TEX15: variants seen among roughly 807,000 people sequenced by gnomAD.
TEX15 encodes testis-expressed protein 15.
In TEX15, 171 loss-of-function variants were observed where a neutral mutation model predicts 237.3. That is an observed-to-expected ratio of 0.72 (90% CI 0.64 to 0.82). The LOEUF is 0.82. TEX15 is among the 40% of genes least tolerant of loss of function. The probability of loss-of-function intolerance (pLI) is 0.00; values close to 1 mark genes in which losing one functional copy is unlikely to be tolerated. For missense variants in TEX15, 3,750 were observed against 3,646.5 expected (o/e 1.03, Z -0.73); for synonymous variants, 1,338 against 1,269.8 (o/e 1.05, Z -1.14).
Position 30,843,115 on chromosome 8 carries a change from G to C in TEX15, c.7052C>G (p.Thr2351Arg). ...AAATTTAGAATTTTCTATGCTAATT[G>C]TTGCTTCGTTTATTGGATGATCTGA... The part of the protein sequence containing the change: ...RKSDHPINEA[T>R]ISIENSKFNS... The change falls in exon 8 of 11, where the codon ACA (threonine) becomes AGA (arginine). Residue 2351 changes from threonine (T) to arginine (R), a missense_variant. Coordinates refer to ENST00000643185, the MANE Select transcript of TEX15 (RefSeq NM_001350162.2). 1 of 1,613,118 alleles carries C rather than the reference G, an allele frequency of 6.2e-7. No individual in the cohort carries two copies. The highest frequency in any genetic ancestry group is 8.5e-7 in the Non-Finnish European group (1 of 1,179,526).
At chr8:30,875,378 A>C (rs184445008) in intron 3 of TEX15, among the ~76,000 whole-genome samples, 2 of 152,344 alleles carry the variant, frequency 1.3e-5, no homozygotes, top group Admixed American at 1.3e-4. Context: ...TTTTCAACTT[A>C]AGATGTTGCA....
intron 3 of TEX15, among the ~76,000 whole-genome samples, chr8:30,876,045 C>G (rs1418685621): frequency 6.6e-6 from 1 of 152,072 alleles, no homozygotes. Flanking sequence ...AATTCCTGGG[C>G]TCAAGCGATC....
chr8:30,853,098 G>A (rs537046615), intron 7 of TEX15, among the ~76,000 whole-genome samples: 1 of 152,270 alleles, frequency 6.6e-6, no homozygotes, highest in East Asian at 1.9e-4. Context: ...TAATCACCCT[G>A]AAAGGCATCA....
chr8:30,846,505 T>C lies in TEX15; in HGVS notation c.3662A>G (p.Lys1221Arg). 6.2e-7 allele frequency: 1 copy of C among 1,613,656 alleles called. No individual in the cohort carries two copies. The highest frequency in any genetic ancestry group is 8.5e-7 in the Non-Finnish European group (1 of 1,179,750). Residue 1221 changes from lysine (K) to arginine (R), a missense_variant, in exon 8 of 11, where the codon AAA (lysine) becomes AGA (arginine). Lys to Arg is a conservative substitution (Grantham distance 26). Coordinates refer to ENST00000643185, the MANE Select transcript of TEX15 (RefSeq NM_001350162.2). ...GENADYPCED[K>R]VDNIRQESGP... is the part of the protein sequence containing the mutation. ...TGATTCTTGCCTTATATTATCAACT[T>C]TATCTTCACATGGATAATCTGCATT...
At chr8:30,872,308 C>T (rs1808306993) in intron 4 of TEX15, among the ~76,000 whole-genome samples, 1 of 152,076 alleles carries the variant, frequency 6.6e-6, no homozygotes, top group African/African-American at 2.4e-5. Flanking sequence ...ATTCCTATTG[C>T]CTAGTGATAG....
intron 2 of TEX15, among the ~76,000 whole-genome samples, chr8:30,889,901 A>G (rs1400346314): frequency 6.8e-6 from 1 of 147,216 alleles, no homozygotes; most frequent in Middle Eastern, 3.3e-3. Context: ...ATAGTCCTAC[A>G]ATGATTATAT....
At position 30,837,188 on chromosome 8, in the gene TEX15, C is replaced by T. The variant is rs2128766137; in HGVS notation, c.9096G>A (p.Glu3032=). The part of the protein sequence containing the change: ...SACNPTYNSS[E]HLFGTSYPYS... Reference sequence around the variant, plus strand: ...ATGGATATGAAGTTCCAAATAAATGCTCAGAAGAATTATATGTTGGGTTAC... The same window carrying T: ...ATGGATATGAAGTTCCAAATAAATGTTCAGAAGAATTATATGTTGGGTTAC... Residue 3032 remains glutamate (E), a synonymous_variant, in exon 10 of 11, where the codon GAG becomes GAA. Transcript: ENST00000643185. The T allele has an allele frequency of 6.2e-7, 1 of 1,614,060 alleles. No individual in the cohort carries two copies. The highest frequency in any genetic ancestry group is 1.7e-5 in the Admixed American group (1 of 60,006).
chr8:30,839,458 C>T (rs1807393560), intron 9 of TEX15, among the ~76,000 whole-genome samples: 1 of 152,030 alleles, frequency 6.6e-6, no homozygotes, highest in Non-Finnish European at 1.5e-5. Context: ...TATCACTTGT[C>T]CTATTTTTAA....
rs761734646 is a variant in TEX15 at position 30,910,173 on chromosome 8, TA to T, written c.-86+2705del. Reference sequence around the variant, plus strand: ...TACAGTATATCATCCTTCGGTACAATAAAAAAAAAAAAACTTTAAAGTGCTC... The same window carrying T: ...TACAGTATATCATCCTTCGGTACAATAAAAAAAAAAAACTTTAAAGTGCTC... On this transcript the variant is annotated intron_variant, in intron 1 of 10. Coordinates refer to ENST00000643185, the MANE Select transcript of TEX15 (RefSeq NM_001350162.2). 1.3e-3 allele frequency among the ~76,000 whole-genome samples: 186 copies of T among 139,626 alleles called. 1 individual carries two copies. The highest frequency in any genetic ancestry group is 7.4e-3 in the Middle Eastern group (2 of 272). 91.6% of individuals were successfully genotyped at this position (139,626 alleles called of 152,430 possible). A position where few individuals can be genotyped will look rare whatever the true frequency, so the allele number is the denominator to read the frequency against.
chr8:30,874,494 T>G (rs138163903), intron 4 of TEX15, among the ~76,000 whole-genome samples: 1 of 152,270 alleles, frequency 6.6e-6, no homozygotes, highest in African/African-American at 2.4e-5. Flanking sequence ...CAACATAGAA[T>G]AGTTCTAGTG....
rs760186353 is a variant in TEX15, at chr8:30,837,288, TG to T, written c.8995del (p.Gln2999AsnfsTer10). ...GACTTTTGAATTTTTGTCATTCTGT[TG>T]TTCAGAAAGAGAGTACTCTGCTCCT... is the stretch of plus-strand genomic sequence containing the variant. ...NQGAEYSLSEQQNDKNSKVLM... is the reference protein window; with the variant it reads ...NQGAEYSLSEXQNDKNSKVLM... On this transcript the variant is annotated frameshift_variant, in exon 10 of 11. Coordinates refer to ENST00000643185, the MANE Select transcript of TEX15 (RefSeq NM_001350162.2). LOFTEE classifies it high-confidence loss of function. 3.1e-6 allele frequency: 5 copies of T among 1,614,202 alleles called. No homozygotes were observed. The highest frequency in any genetic ancestry group is 1.6e-4 in the Middle Eastern group (1 of 6,062).
intron 1 of TEX15, among the ~76,000 whole-genome samples, chr8:30,902,140 G>C (rs1300691006): frequency 6.6e-6 from 1 of 152,036 alleles, no homozygotes; most frequent in African/African-American, 2.4e-5. Context: ...TCTGATGTAA[G>C]ATAAGTTTGA....
chr8:30,862,746 CA>C (rs1808078639), intron 5 of TEX15, among the ~76,000 whole-genome samples: 1 of 152,124 alleles, frequency 6.6e-6, no homozygotes, highest in Admixed American at 6.6e-5. Flanking sequence ...AAAGCTTAAC[CA>C]GAGTAAATCT....
rs146492558 is a variant in TEX15, at chr8:30,898,570, AT to A, written c.-10+171del. On this transcript the variant is annotated intron_variant, in intron 2 of 10. Transcript: ENST00000643185. ...ATTAAGACAGTACCCAATAACTATTATCATCAAGAATAAATATTTACATACT... is the reference window on the plus strand; with the variant it reads ...ATTAAGACAGTACCCAATAACTATTACATCAAGAATAAATATTTACATACT... 5.4e-3 allele frequency among the ~76,000 whole-genome samples: 830 copies of A among 152,368 alleles called. 6 individuals carry two copies. Among genetic ancestry groups the A allele is most frequent in the African/African-American group, 0.019 (790 of 41,592 alleles).
At position 30,843,869 on chromosome 8, in the gene TEX15, G is replaced by C. The variant is rs1324219823; in HGVS notation, c.6298C>G (p.Arg2100Gly). ...KRHLEGEPTL[R>G]SLLWYDETLY... Reference sequence around the variant, plus strand: ...GTTTCATCATACCAAAGCAAGCTTCGCAATGTTGGTTCACCTTCTAAGTGC... The same window carrying C: ...GTTTCATCATACCAAAGCAAGCTTCCCAATGTTGGTTCACCTTCTAAGTGC... The change falls in exon 8 of 11, where the codon CGA (arginine) becomes GGA (glycine). Residue 2100 changes from arginine to glycine, a missense_variant. By Grantham distance (125) the Arg-to-Gly change is moderately radical. Transcript: ENST00000643185. 1 of 1,612,362 alleles carries C rather than the reference G, an allele frequency of 6.2e-7. No homozygotes were observed. The highest frequency in any genetic ancestry group is 1.1e-5 in the South Asian group (1 of 90,682).
At chr8:30,884,429 G>A (rs1398918449) in intron 3 of TEX15, among the ~76,000 whole-genome samples, 1 of 152,160 alleles carries the variant, frequency 6.6e-6, no homozygotes, top group Non-Finnish European at 1.5e-5. Flanking sequence ...TTCCTTAAAT[G>A]TCTACTAGTA....
At position 30,842,926 on chromosome 8, in the gene TEX15, T is replaced by A; in HGVS notation, c.7241A>T (p.Asp2414Val). 1 of 1,609,936 alleles carries A rather than the reference T, an allele frequency of 6.2e-7. No homozygotes were observed. The highest frequency in any genetic ancestry group is 1.1e-5 in the South Asian group (1 of 90,480). ...ATTTTCTTCTGTGATAAAAATATTA[T>A]CCATGTTATTATCTTGTAGCATCTG... ...YFQMLQDNNM[D>V]NIFITEENVL... The change falls in exon 8 of 11, where the codon GAT becomes GTT. Residue 2414 changes from aspartate to valine, a missense_variant. By Grantham distance (152) the Asp-to-Val change is radical (BLOSUM62 -3). Coordinates refer to ENST00000643185, the MANE Select transcript of TEX15 (RefSeq NM_001350162.2).
At chr8:30,899,840 G>T (rs1271732569) in intron 1 of TEX15, among the ~76,000 whole-genome samples, 2 of 152,124 alleles carry the variant, frequency 1.3e-5, no homozygotes, top group Non-Finnish European at 2.9e-5. Context: ...AAATCCTAAT[G>T]ACCTATTATA....
At chr8:30,840,522 A>T (rs1171805224) in intron 8 of TEX15, among the ~76,000 whole-genome samples, 1 of 152,150 alleles carries the variant, frequency 6.6e-6, no homozygotes. Context: ...AAGTCCATTT[A>T]TGACTATTCC....
Sources: allele counts gnomAD v4.1 joint callset (sites outside exome capture counted in the v4.1 genomes callset), GRCh38; gene constraint gnomAD v4.1.1; transcripts MANE v1.5; gene names NCBI Gene and HGNC (gene_info 2026-07-23, HGNC 2026-07-21).